BTK: variants seen among roughly 807,000 people sequenced by gnomAD.
The protein encoded by BTK is Bruton tyrosine kinase, also known as tyrosine-protein kinase BTK.
A neutral mutation model predicts 57.4 loss-of-function variants in BTK; 5 were observed. The ratio of observed to expected loss-of-function variants is 0.09; its 90% CI spans 0.05 to 0.18. The LOEUF is 0.18. BTK is among the 10% of genes least tolerant of loss of function. The probability of loss-of-function intolerance (pLI) is 1.00; values close to 1 mark genes in which losing one functional copy is unlikely to be tolerated. For synonymous variants in BTK, 154 were observed against 174.3 expected (o/e 0.88, Z 0.92); for missense variants, 194 against 501.2 (o/e 0.39, Z 5.85).
chrX:101,355,092 A>G lies in BTK; in HGVS notation c.1567-398T>C, dbSNP rs939908811. ...TCAAGAGTTCAAGACCAGCCTGGCC[A>G]ACATGGCGATACCCCATCTACTAAA... On this transcript the variant is annotated intron_variant, in intron 15 of 18. Transcript: ENST00000308731. 5.4e-5 allele frequency among the ~76,000 whole-genome samples: 6 copies of G among 112,064 alleles called. 1 individual carries two copies. Among genetic ancestry groups the G allele is most frequent in the Middle Eastern group, 8.4e-3 (2 of 239 alleles).
At chrX:101,375,090 T>C (rs1420810401) in intron 2 of BTK, 54 bp downstream of exon 2, 2 of 1,202,390 alleles carry the variant, frequency 1.7e-6, no homozygotes, top group Non-Finnish European at 2.3e-6. Flanking sequence ...AAGAAAGATC[T>C]AAGGCCAAGT....
chrX:101,376,028 T>G (rs1555981001), intron 1 of BTK, among the ~76,000 whole-genome samples: 1 of 111,106 alleles, frequency 9.0e-6, no homozygotes, highest in Admixed American at 9.6e-5. Flanking sequence ...TAGCTTAAAT[T>G]AGTTCTTTTA....
At chrX:101,356,423 G>T in intron 14 of BTK, 155 bp from the exon 15 acceptor site, 1 of 500,208 alleles carries the variant, frequency 2.0e-6, no homozygotes, top group Non-Finnish European at 3.3e-6. Context: ...AATCTCAAAA[G>T]TGCTTAAAAT....
intron 1 of BTK, among the ~76,000 whole-genome samples, chrX:101,379,246 G>A (rs1927329335): frequency 9.1e-6 from 1 of 110,106 alleles, no homozygotes; most frequent in Non-Finnish European, 1.9e-5. Context: ...CCTATGATTG[G>A]GAAGAGTCTA....
At chrX:101,382,878 C>A (rs1203052871) in intron 1 of BTK, among the ~76,000 whole-genome samples, 1 of 111,221 alleles carries the variant, frequency 9.0e-6, no homozygotes, top group East Asian at 2.8e-4. Context: ...CAAAATAACA[C>A]ACGCAGCTGG....
At chrX:101,352,636 C>T (rs1327405838) in intron 18 of BTK, among the ~76,000 whole-genome samples, 9 of 110,238 alleles carry the variant, frequency 8.2e-5, no homozygotes, top group East Asian at 5.7e-4. Context: ...CAGTGGCTCA[C>T]GCCTGTAATC....
intron 18 of BTK, 134 bp from the exon 19 acceptor site, chrX:101,350,090 A>T: frequency 6.9e-5 from 6 of 87,146 alleles, no homozygotes; most frequent in Admixed American, 1.3e-4. Context: ...TTACAAAAGG[A>T]AAAAAAAAAA....
upstream of BTK, among the ~76,000 whole-genome samples, chrX:101,387,402 A>G (rs1392305109): frequency 1.2e-5 from 1 of 83,678 alleles, no homozygotes; most frequent in Non-Finnish European, 2.2e-5. Flanking sequence ...CCCAGGTTGG[A>G]GTGCAGTGGC....
At chrX:101,361,478 G>A (rs1926667683) in intron 7 of BTK, among the ~76,000 whole-genome samples, 1 of 102,078 alleles carries the variant, frequency 9.8e-6, no homozygotes, top group African/African-American at 3.8e-5. Flanking sequence ...CTTACAATAT[G>A]TGAGAAAGGG....
In BTK at chrX:101,358,299, CT is replaced by C; in HGVS notation, c.1102+10del. 1.7e-6 allele frequency: 2 copies of C among 1,211,986 alleles called. No individual in the cohort carries two copies. The highest frequency in any genetic ancestry group is 2.2e-6 in the Non-Finnish European group (2 of 895,567). On this transcript the variant is annotated intron_variant, in intron 12 of 18. Coordinates refer to ENST00000308731, the MANE Select transcript of BTK (RefSeq NM_000061.3). ...TCTGTAACTCCCTTCTCAGTTGCCCCTGGTACTCACCTGCAGAGTTGTGCTG... is the reference window on the plus strand; with the variant it reads ...TCTGTAACTCCCTTCTCAGTTGCCCCGGTACTCACCTGCAGAGTTGTGCTG...
rs202011037 is a variant in BTK at position 101,364,503 on chromosome X, G to A, written c.392-1814C>T. On this transcript the variant is annotated intron_variant, in intron 5 of 18. Coordinates refer to ENST00000308731, the MANE Select transcript of BTK (RefSeq NM_000061.3). ...ACTTCACTCACTTAAGGCTTTGCAG[G>A]AAAGCCTAAAAGCTGCTAGTAGCTG... Among the ~76,000 whole-genome samples the A allele has an allele frequency of 1.2e-4, 13 of 109,408 alleles. No homozygotes were observed. In the East Asian group the frequency reaches 3.7e-3, roughly 31 times the overall value.
intron 1 of BTK, among the ~76,000 whole-genome samples, chrX:101,381,444 A>G (rs1927422252): frequency 8.9e-6 from 1 of 111,867 alleles, no homozygotes; most frequent in African/African-American, 3.3e-5. Context: ...GTGGGAGGTT[A>G]AATTTGGCCT....
At chrX:101,372,597 C>T (rs1365262808) in intron 3 of BTK, among the ~76,000 whole-genome samples, 10 of 108,171 alleles carry the variant, frequency 9.2e-5, no homozygotes, top group South Asian at 4.2e-4. Flanking sequence ...TACAGGCTCG[C>T]GCCACCATGC....
chrX:101,357,079 T>C, intron 13 of BTK, 124 bp from the exon 14 acceptor site: 1 of 752,674 alleles, frequency 1.3e-6, no homozygotes, highest in Non-Finnish European at 2.0e-6. Flanking sequence ...GAAGTACTAA[T>C]CTGTCTTTGC....
chrX:101,379,148 T>G (rs1872311832), intron 1 of BTK, among the ~76,000 whole-genome samples: 1 of 97,754 alleles, frequency 1.0e-5, no homozygotes, highest in South Asian at 4.9e-4. Flanking sequence ...CACTCCAGCC[T>G]GGAGTCTCAA....
At chrX:101,379,174 T>A (rs868974483) in intron 1 of BTK, among the ~76,000 whole-genome samples, 21 of 65,309 alleles carry the variant, frequency 3.2e-4, no homozygotes, top group African/African-American at 7.7e-4. Flanking sequence ...AAATAAAAAA[T>A]AAAAATAAAA....
At chrX:101,354,061 C>G in intron 16 of BTK, 73 bp from the exon 17 acceptor site, 1 of 765,810 alleles carries the variant, frequency 1.3e-6, no homozygotes, top group Non-Finnish European at 2.0e-6. Flanking sequence ...TTGGCACGGT[C>G]ACAAGAGTGT....
chrX:101,388,427 A>G (rs1162058524), upstream of BTK, among the ~76,000 whole-genome samples: 1 of 112,252 alleles, frequency 8.9e-6, no homozygotes, highest in Non-Finnish European at 1.9e-5. Context: ...ACCTGAAGAG[A>G]TTCCCAATGC....
chrX:101,359,451 C>G, intron 9 of BTK, 104 bp from the exon 10 acceptor site: 1 of 792,448 alleles, frequency 1.3e-6, no homozygotes, highest in Admixed American at 2.2e-5. Flanking sequence ...TCAACTCACT[C>G]AAACCCTATT....
Sources: allele counts gnomAD v4.1 joint callset (sites outside exome capture counted in the v4.1 genomes callset), GRCh38; gene constraint gnomAD v4.1.1; transcripts MANE v1.5; gene names NCBI Gene and HGNC (gene_info 2026-07-23, HGNC 2026-07-21).